KPNA5: variants seen among roughly 807,000 people sequenced by gnomAD.
KPNA5 encodes the protein karyopherin subunit alpha 5.
KPNA5 carries 46 observed loss-of-function variants against 71.3 expected under a neutral mutation model. The ratio of observed to expected loss-of-function variants is 0.65; its 90% confidence interval spans 0.51 to 0.83. The LOEUF is 0.83. Among genes scored for constraint, KPNA5 ranks in the 40% least tolerant of loss-of-function variants. KPNA5 has a pLI of 0.00. For missense variants in KPNA5, 547 were observed against 628.3 expected (o/e 0.87, Z 1.38); for synonymous variants, 207 against 201.4 (o/e 1.03, Z -0.24).
At chr6:116,691,229 AAAAAT>A (rs1282715136) in intron 2 of KPNA5, among the ~76,000 whole-genome samples, 2 of 152,234 alleles carry the variant, frequency 1.3e-5, no homozygotes, top group African/African-American at 2.4e-5. Context: ...CTCCGTCTCA[AAAAAT>A]AAAATAAAGT....
In KPNA5 at chr6:116,698,817, T is replaced by G; in HGVS notation, c.435+19T>G. ...TTTACAAGTGAGTCTAAAGTTTTCT[T>G]TCTTAATTTTTCTCTAGAAATGACA... is the stretch of plus-strand genomic sequence containing the variant. On this transcript the variant is annotated intron_variant, in intron 5 of 13. Transcript: ENST00000368564. The G allele has an allele frequency of 7.4e-7, 1 of 1,346,688 alleles. No homozygotes were observed. Among genetic ancestry groups the G allele is most frequent in the Non-Finnish European group, 1.0e-6 (1 of 973,730 alleles). The allele number at this position is 1,346,688 out of a possible 1,614,324, so 83.4% of individuals were successfully genotyped here.
chr6:116,716,351 T>C, intron 8 of KPNA5, 33 bp downstream of exon 8: 1 of 1,435,118 alleles, frequency 7.0e-7, no homozygotes, highest in Non-Finnish European at 9.7e-7. Flanking sequence ...AAAATATTTG[T>C]TTCCATAAAC....
intron 8 of KPNA5, 32 bp downstream of exon 8, chr6:116,716,350 G>A (rs1267090505): frequency 4.9e-6 from 7 of 1,437,946 alleles, no homozygotes; most frequent in African/African-American, 4.2e-5. Context: ...TAAAATATTT[G>A]TTTCCATAAA....
At chr6:116,694,861 G>A (rs1777961872) in intron 4 of KPNA5, among the ~76,000 whole-genome samples, 2 of 152,008 alleles carry the variant, frequency 1.3e-5, no homozygotes, top group South Asian at 2.1e-4. Context: ...TGAAGTAGGG[G>A]GTCAAAGGGA....
intron 7 of KPNA5, among the ~76,000 whole-genome samples, chr6:116,710,271 T>C (rs887693196): frequency 6.6e-6 from 1 of 152,134 alleles, no homozygotes; most frequent in African/African-American, 2.4e-5. Context: ...TTGTTGAGGA[T>C]TTTTGTATGT....
intron 7 of KPNA5, among the ~76,000 whole-genome samples, chr6:116,715,105 T>A (rs1200586486): frequency 6.6e-6 from 1 of 152,234 alleles, no homozygotes; most frequent in Admixed American, 6.5e-5. Flanking sequence ...TGCAAGTTTC[T>A]TGGTGTTCCT....
At chr6:116,718,349 G>A (rs1223125510) in intron 8 of KPNA5, among the ~76,000 whole-genome samples, 2 of 147,392 alleles carry the variant, frequency 1.4e-5, no homozygotes, top group Non-Finnish European at 3.0e-5. Flanking sequence ...TGCAACCTCC[G>A]CCTCCCGGGT....
At chr6:116,707,668 G>A (rs1448017408) in intron 7 of KPNA5, among the ~76,000 whole-genome samples, 1 of 152,158 alleles carries the variant, frequency 6.6e-6, no homozygotes, top group African/African-American at 2.4e-5. Context: ...GCATACAAAA[G>A]CAGTATAACT....
At chr6:116,704,831 C>T (rs1388769517) in intron 6 of KPNA5, among the ~76,000 whole-genome samples, 1 of 152,218 alleles carries the variant, frequency 6.6e-6, no homozygotes, top group Non-Finnish European at 1.5e-5. Context: ...TCCACCTCAG[C>T]TTGCCAAAGT....
chr6:116,684,830 CT>C (rs1777506440), intron 1 of KPNA5, among the ~76,000 whole-genome samples: 1 of 152,174 alleles, frequency 6.6e-6, no homozygotes, highest in Admixed American at 6.5e-5. Flanking sequence ...TCACTATACA[CT>C]TATTAGAATG....
At chr6:116,714,177 TTCTCC>T (rs561920269) in intron 7 of KPNA5, among the ~76,000 whole-genome samples, 132 of 152,326 alleles carry the variant, frequency 8.7e-4, no homozygotes, top group African/African-American at 3.0e-3. Flanking sequence ...GGAAATCAGA[TTCTCC>T]TCTCCTTCCA....
At position 116,722,267 on chromosome 6, in the gene KPNA5, CGAA is replaced by C; in HGVS notation, c.901_903del (p.Arg301del). 1 of 1,607,834 alleles carries C rather than the reference CGAA, an allele frequency of 6.2e-7. No homozygotes were observed. The highest frequency in any genetic ancestry group is 8.5e-7 in the Non-Finnish European group (1 of 1,177,500). ...AGCAGTCATTGATTCTGGAGTCTGTCGAAGATTGGTGGAACTTTTGATGTAACT... is the reference window on the plus strand; with the variant it reads ...AGCAGTCATTGATTCTGGAGTCTGTCGATTGGTGGAACTTTTGATGTAACT... On this transcript the variant is annotated inframe_deletion, in exon 9 of 14. Transcript: ENST00000368564.
Position 116,732,490 on chromosome 6 carries a change from A to G in KPNA5, c.*167A>G. 1 of 329,400 alleles carries G rather than the reference A, an allele frequency of 3.0e-6. No individual in the cohort carries two copies. The highest frequency in any genetic ancestry group is 2.1e-5 in the African/African-American group (1 of 46,676). 20.4% of individuals were successfully genotyped at this position (329,400 alleles called of 1,614,324 possible). ...AATTTCCATTCAGATGCAACCTTTCATTGTAGTTTGTTGTTGTTTTAGTTT... is the reference window on the plus strand; with the variant it reads ...AATTTCCATTCAGATGCAACCTTTCGTTGTAGTTTGTTGTTGTTTTAGTTT... On this transcript the variant is annotated 3_prime_UTR_variant, in exon 14 of 14. Coordinates refer to ENST00000368564, the MANE Select transcript of KPNA5 (RefSeq NM_001366306.2).
intron 1 of KPNA5, among the ~76,000 whole-genome samples, chr6:116,688,807 G>A (rs953540637): frequency 1.8e-4 from 27 of 152,208 alleles, no homozygotes; most frequent in African/African-American, 6.5e-4. Flanking sequence ...TAGCTCTTAA[G>A]GCAATGCCTT....
At chr6:116,683,975 C>G (rs1164344234) in intron 1 of KPNA5, among the ~76,000 whole-genome samples, 4 of 121,302 alleles carry the variant, frequency 3.3e-5, no homozygotes, top group Middle Eastern at 0.015. Context: ...CAGGCTGGAG[C>G]GATCTTGGCT....
At chr6:116,681,626 C>T in intron 1 of KPNA5, 2 of 962,338 alleles carry the variant, frequency 2.1e-6, no homozygotes, top group Non-Finnish European at 2.6e-6. Context: ...CCCGCCTCAC[C>T]GTTTCTCGGT....
intron 9 of KPNA5, among the ~76,000 whole-genome samples, chr6:116,723,744 C>T (rs571208796): frequency 2.6e-5 from 4 of 152,048 alleles, no homozygotes; most frequent in African/African-American, 7.3e-5. Flanking sequence ...AGATAATAAG[C>T]ATCAAGAGAT....
intron 5 of KPNA5, 90 bp from the exon 6 acceptor site, chr6:116,701,929 C>G: frequency 8.6e-7 from 1 of 1,165,170 alleles, no homozygotes; most frequent in Non-Finnish European, 1.2e-6. Context: ...CACACTTGTC[C>G]TGGCAGGTCT....
At position 116,714,526 on chromosome 6, in the gene KPNA5, G is replaced by GT. The variant is rs549356658; in HGVS notation, c.657-1687dup. ...GAAGTAAAAGCGTAGGTCTCTTCAT[G>GT]TTTTTTCTGATTGTGGACTCTGCCC... On this transcript the variant is annotated intron_variant, in intron 7 of 13. Coordinates refer to ENST00000368564, the MANE Select transcript of KPNA5 (RefSeq NM_001366306.2). Among the ~76,000 whole-genome samples the GT allele has an allele frequency of 3.0e-4, 46 of 152,252 alleles. 2 individuals are homozygous for GT. The South Asian group carries it at 7.3e-3, about 24-fold the overall frequency.
Sources: gnomAD v4.1 joint callset for allele counts (sites outside exome capture counted in the v4.1 genomes callset) on GRCh38, gnomAD v4.1.1 for gene constraint, MANE v1.5 for transcripts, NCBI Gene and HGNC (gene_info 2026-07-23, HGNC 2026-07-21) for gene names.